The following TNS3 variants were observed in gnomAD, a reference collection of about 807,000 sequenced individuals.
TNS3 encodes the protein tensin-3.
A neutral mutation model predicts 140.9 loss-of-function variants in TNS3; 45 were observed. That is an observed-to-expected ratio of 0.32 (90% confidence interval 0.25 to 0.41). TNS3 has a LOEUF of 0.41. Ranked by LOEUF, TNS3 falls within the 10% of genes least tolerant of loss-of-function variation. The pLI, the probability that TNS3 is intolerant of heterozygous loss-of-function variation, is 1.00. For missense variants in TNS3, 1,716 were observed against 1,906.7 expected (o/e 0.90, Z 1.86); for synonymous variants, 815 against 788.4 (o/e 1.03, Z -0.56).
intron 1 of TNS3, among the ~76,000 whole-genome samples, chr7:47,571,085 G>C (rs1800543909): frequency 6.6e-6 from 1 of 152,150 alleles, no homozygotes; most frequent in Non-Finnish European, 1.5e-5. Flanking sequence ...CTGTCTTGGG[G>C]GGCCCAACGT....
chr7:47,287,561 C>A (rs531168560), intron 27 of TNS3, among the ~76,000 whole-genome samples: 1 of 152,162 alleles, frequency 6.6e-6, no homozygotes, highest in Admixed American at 6.5e-5. Flanking sequence ...TGCAATAATT[C>A]CACCGTCTTG....
At chr7:47,386,665 G>A (rs1004829192) in intron 16 of TNS3, among the ~76,000 whole-genome samples, 1 of 152,234 alleles carries the variant, frequency 6.6e-6, no homozygotes, top group African/African-American at 2.4e-5. Flanking sequence ...TGCTCAGCCT[G>A]GCATGCGTCC....
intron 17 of TNS3, among the ~76,000 whole-genome samples, chr7:47,365,691 T>C (rs1287906604): frequency 1.3e-5 from 2 of 150,920 alleles, no homozygotes; most frequent in African/African-American, 4.9e-5. Flanking sequence ...ACCCGGGAGG[T>C]GGAGCTTGCA....
In TNS3 at chr7:47,293,825, C is replaced by T. The variant is rs759461111; in HGVS notation, c.3680G>A (p.Gly1227Glu). Residue 1227 changes from glycine to glutamate, a missense_variant, in exon 25 of 31, where the codon GGA becomes GAA. Physicochemically the swap from Gly to Glu is moderately conservative, Grantham distance 98 (BLOSUM62 -2). Coordinates refer to ENST00000311160, the MANE Select transcript of TNS3 (RefSeq NM_022748.12). ...PSVLQLNKKAGDLANELVRHF... is the reference protein window; with the variant it reads ...PSVLQLNKKAEDLANELVRHF... The stretch of plus-strand genomic sequence containing the variant: ...CCGGACGAGTTCATTGGCCAAATCT[C>T]CAGCTGTGGCAAGAAATTTAAAGAA... 6.2e-7 allele frequency: 1 copy of T among 1,614,038 alleles called. No individual in the cohort carries two copies. The highest frequency in any genetic ancestry group is 8.5e-7 in the Non-Finnish European group (1 of 1,180,020).
intron 3 of TNS3, among the ~76,000 whole-genome samples, chr7:47,487,743 T>A (rs867196235): frequency 7.9e-5 from 12 of 152,212 alleles, no homozygotes; most frequent in South Asian, 6.2e-4. Flanking sequence ...ACAAGTTCTA[T>A]CATACATAAA....
At chr7:47,306,190 T>C (rs1452352172) in intron 20 of TNS3, among the ~76,000 whole-genome samples, 1 of 152,166 alleles carries the variant, frequency 6.6e-6, no homozygotes, top group Non-Finnish European at 1.5e-5. Flanking sequence ...GAAGATGAAA[T>C]ACCTAGGGGG....
At chr7:47,415,388 C>T (rs1006527394) in intron 10 of TNS3, among the ~76,000 whole-genome samples, 182 bp from the exon 11 acceptor site, 6 of 152,196 alleles carry the variant, frequency 3.9e-5, no homozygotes, top group Non-Finnish European at 8.8e-5. Context: ...TTCCCACCAG[C>T]GCACCAGGCA....
At position 47,368,799 on chromosome 7, in the gene TNS3, G is replaced by C. The variant is rs1405643510; in HGVS notation, c.1847C>G (p.Pro616Arg). 2 of 1,608,324 alleles carry C rather than the reference G, an allele frequency of 1.2e-6. No homozygotes were observed. The highest frequency in any genetic ancestry group is 1.7e-6 in the Non-Finnish European group (2 of 1,177,960). ...CTGGACGAGGCCAGGATTGTCTGCA[G>C]GGCAGCGGCTCACCAGCCGGGCCTC... Reference protein sequence around the residue: ...DGEARLVSRCPADNPGLVQAQ... With the variant: ...DGEARLVSRCRADNPGLVQAQ... The change falls in exon 17 of 31, where the codon CCT becomes CGT. Residue 616 changes from proline to arginine, a missense_variant. By Grantham distance (103) the Pro-to-Arg change is moderately radical. This residue lies in a region of TNS3 where 1,163 missense variants were observed against 1,182.1 expected (regional missense o/e 0.98). Transcript: ENST00000311160.
chr7:47,292,614 T>C (rs1019645663), intron 26 of TNS3, among the ~76,000 whole-genome samples: 8 of 152,234 alleles, frequency 5.3e-5, no homozygotes, highest in African/African-American at 1.9e-4. Context: ...ATCCATGATG[T>C]AAAGCTATCT....
chr7:47,567,963 G>A (rs982227480), intron 1 of TNS3, among the ~76,000 whole-genome samples: 2 of 152,020 alleles, frequency 1.3e-5, no homozygotes, highest in Non-Finnish European at 2.9e-5. Flanking sequence ...CAAGAGGCTC[G>A]GGCATCCGGC....
At chr7:47,562,209 C>T (rs1166545857) in intron 1 of TNS3, among the ~76,000 whole-genome samples, 2 of 152,088 alleles carry the variant, frequency 1.3e-5, no homozygotes, top group African/African-American at 4.8e-5. Flanking sequence ...TGTCTCTGAC[C>T]CGGAGATCAT....
At chr7:47,562,221 C>G (rs1328865827) in intron 1 of TNS3, among the ~76,000 whole-genome samples, 3 of 152,118 alleles carry the variant, frequency 2.0e-5, no homozygotes, top group Non-Finnish European at 4.4e-5. Flanking sequence ...GGAGATCATT[C>G]TGGAAATGGA....
chr7:47,400,954 G>GGGGGACACACGTTCCCGGCA (rs775050675), intron 13 of TNS3, 40 bp from the exon 14 acceptor site: 10 of 1,611,394 alleles, frequency 6.2e-6, no homozygotes, highest in Non-Finnish European at 8.5e-6. Flanking sequence ...TAGCTGCAGC[G>GGGGGACACACGTTCCCGGCA]GGGGACACAC....
chr7:47,316,777 CA>C (rs766794024), intron 20 of TNS3, among the ~76,000 whole-genome samples: 4,232 of 56,012 alleles, frequency 0.076, 91 homozygotes, highest in African/African-American at 0.17. Flanking sequence ...GACTCCATCT[CA>C]AAAAAAAAAA....
chr7:47,446,838 A>T (rs1251057514), intron 4 of TNS3, among the ~76,000 whole-genome samples: 2 of 150,604 alleles, frequency 1.3e-5, no homozygotes, highest in Non-Finnish European at 3.0e-5. Flanking sequence ...GACTACATGC[A>T]TGTACCACCA....
intron 17 of TNS3, among the ~76,000 whole-genome samples, chr7:47,353,264 T>C (rs1326430254): frequency 2.0e-5 from 3 of 152,156 alleles, no homozygotes; most frequent in Non-Finnish European, 4.4e-5. Context: ...GGTTCAGTAC[T>C]TCTTTGCTAA....
intron 3 of TNS3, among the ~76,000 whole-genome samples, chr7:47,501,178 AAGGAAGGAAGGGAGGGAGGG>A (rs1415340140): frequency 0.011 from 201 of 18,482 alleles, 2 homozygotes; most frequent in African/African-American, 0.017. Flanking sequence ...GGAAGAGAGG[AAGGAAGGAAGGGAGGGAGGG>A]AGGGAGGGAG....
chr7:47,389,050 A>AGCG (rs1491330909), intron 16 of TNS3, among the ~76,000 whole-genome samples: 1 of 35,774 alleles, frequency 2.8e-5, no homozygotes, highest in Non-Finnish European at 5.5e-5. Flanking sequence ...AAGAAGAAGA[A>AGCG]GAAGAAGAAG....
In TNS3 at chr7:47,573,640, A is replaced by T. The variant is rs186859898; in HGVS notation, c.-265+8411T>A. Among the ~76,000 whole-genome samples, 226 of 152,118 alleles carry T rather than the reference A, an allele frequency of 1.5e-3. 1 individual carries two copies. The highest frequency in any genetic ancestry group is 5.2e-3 in the African/African-American group (216 of 41,516). On this transcript the variant is annotated intron_variant, in intron 1 of 30. Coordinates refer to ENST00000311160, the MANE Select transcript of TNS3 (RefSeq NM_022748.12). ...TTTAGTCCCTCACCTCCCCCAGCCC[A>T]GCATCCTCTTGGAAAGAAACACCAG... is the stretch of plus-strand genomic sequence containing the variant.
Sources: allele counts gnomAD v4.1 joint callset (sites outside exome capture counted in the v4.1 genomes callset), GRCh38; gene constraint gnomAD v4.1.1; regional missense constraint gnomAD v4.1.1; transcripts MANE v1.5; gene names NCBI Gene and HGNC (gene_info 2026-07-23, HGNC 2026-07-21).